Variants in KPNA4 observed in about 807,000 individuals in gnomAD.
KPNA4 encodes the protein importin subunit alpha-3.
Under a neutral mutation model 71.3 loss-of-function variants are expected in KPNA4, and 13 were observed. That is an observed-to-expected ratio of 0.18 (90% CI 0.12 to 0.29). KPNA4 has a LOEUF of 0.29. Ranked by LOEUF, KPNA4 falls within the 10% of genes least tolerant of loss-of-function variation. The pLI, the probability that KPNA4 is intolerant of heterozygous loss-of-function variation, is 1.00. For missense variants in KPNA4, 334 were observed against 603.2 expected (o/e 0.55, Z 4.67); for synonymous variants, 189 against 195.2 (o/e 0.97, Z 0.26).
chr3:160,531,326 C>T (rs1236055611), intron 6 of KPNA4, 136 bp downstream of exon 6: 8 of 487,488 alleles, frequency 1.6e-5, no homozygotes, highest in East Asian at 3.3e-5. Flanking sequence ...CCTTGCACTG[C>T]TTTTCACTTT....
In KPNA4 at chr3:160,502,214, A is replaced by G; in HGVS notation, c.1468-12T>C. 7.1e-7 allele frequency: 1 copy of G among 1,399,398 alleles called. No homozygotes were observed. The highest frequency in any genetic ancestry group is 1.4e-5 in the South Asian group (1 of 73,990). 86.7% of individuals were successfully genotyped at this position (1,399,398 alleles called of 1,614,324 possible). ...GGGTCTTCATCAATCTAGGTGAAAA[A>G]AAAGAAAAAGAATGTGATAATTAGT... On this transcript the variant is annotated splice_polypyrimidine_tract_variant and intron_variant, in intron 16 of 16. Coordinates refer to ENST00000334256, the MANE Select transcript of KPNA4 (RefSeq NM_002268.5).
At chr3:160,506,319 C>T (rs746014681) in intron 15 of KPNA4, among the ~76,000 whole-genome samples, 2 of 152,092 alleles carry the variant, frequency 1.3e-5, no homozygotes, top group Non-Finnish European at 2.9e-5. Context: ...CAGGTGTGCG[C>T]TACCACACCC....
At chr3:160,540,491 A>G (rs1488108108) in intron 1 of KPNA4, among the ~76,000 whole-genome samples, 3 of 152,196 alleles carry the variant, frequency 2.0e-5, no homozygotes. Flanking sequence ...TTATAGAGCA[A>G]GGGTTTTCTT....
At chr3:160,539,929 A>T (rs1234860335) in intron 1 of KPNA4, among the ~76,000 whole-genome samples, 1 of 151,152 alleles carries the variant, frequency 6.6e-6, no homozygotes, top group Non-Finnish European at 1.5e-5. Context: ...ACTCCAAAAA[A>T]TTTTCTCCCA....
intron 10 of KPNA4, 82 bp from the exon 11 acceptor site, chr3:160,521,992 T>A: frequency 8.4e-7 from 1 of 1,190,950 alleles, no homozygotes; most frequent in Non-Finnish European, 1.2e-6. Flanking sequence ...CATTCTAAAA[T>A]TGTTCAACTA....
In KPNA4 at chr3:160,525,856, A is replaced by T; in HGVS notation, c.727-12T>A. 1 of 1,552,774 alleles carries T rather than the reference A, an allele frequency of 6.4e-7. No homozygotes were observed. Among genetic ancestry groups the T allele is most frequent in the Non-Finnish European group, 8.7e-7 (1 of 1,151,628 alleles). ...AGGGCTGGAAGAATCTGAGGAGAGA[A>T]ATATGTAGATTTAAAAACATACACA... On this transcript the variant is annotated splice_polypyrimidine_tract_variant and intron_variant, in intron 9 of 16. Transcript: ENST00000334256.
At chr3:160,533,934 G>A (rs909529896) in intron 5 of KPNA4, among the ~76,000 whole-genome samples, 21 of 152,290 alleles carry the variant, frequency 1.4e-4, no homozygotes, top group African/African-American at 5.1e-4. Flanking sequence ...TGACAATGGT[G>A]AGCATAATCG....
rs1560041976 is a variant in KPNA4 at position 160,499,841 on chromosome 3, T to C, written c.*2263A>G. 1 of 152,184 alleles carries C rather than the reference T, an allele frequency of 6.6e-6. No individual in the cohort carries two copies. The highest frequency in any genetic ancestry group is 1.5e-5 in the Non-Finnish European group (1 of 68,004). 9.4% of individuals were successfully genotyped at this position (152,184 alleles called of 1,614,324 possible). ...CTGAAACCTTCTGTACTATGCTTTGTATACAATCCATCATTTGGAGCTATA... is the reference window on the plus strand; with the variant it reads ...CTGAAACCTTCTGTACTATGCTTTGCATACAATCCATCATTTGGAGCTATA... On this transcript the variant is annotated 3_prime_UTR_variant, in exon 17 of 17. Coordinates refer to ENST00000334256, the MANE Select transcript of KPNA4 (RefSeq NM_002268.5).
At chr3:160,504,772 T>C (rs536460209) in intron 16 of KPNA4, among the ~76,000 whole-genome samples, 186 bp downstream of exon 16, 1 of 152,318 alleles carries the variant, frequency 6.6e-6, no homozygotes, top group South Asian at 2.1e-4. Flanking sequence ...AGAGCTAATA[T>C]GCCCTGAAGG....
intron 15 of KPNA4, among the ~76,000 whole-genome samples, chr3:160,506,935 G>A (rs1720995099): frequency 6.6e-6 from 1 of 152,096 alleles, no homozygotes; most frequent in Admixed American, 6.5e-5. Flanking sequence ...TTTAGTTGAA[G>A]TTATGGGTTC....
rs753863121 is a variant in KPNA4, at chr3:160,528,048, A to G, written c.470-9T>C. 13 of 1,604,262 alleles carry G rather than the reference A, an allele frequency of 8.1e-6. No individual in the cohort carries two copies. In the Admixed American group the frequency reaches 2.0e-4, roughly 25 times the overall value. On this transcript the variant is annotated splice_polypyrimidine_tract_variant and intron_variant, in intron 7 of 16. Coordinates refer to ENST00000334256, the MANE Select transcript of KPNA4 (RefSeq NM_002268.5). Reference sequence around the variant, plus strand: ...GAAAAGTGGCACAGCATCTGATGGAAGAAAAAATAACAATACTTAAGGTTG... The same window carrying G: ...GAAAAGTGGCACAGCATCTGATGGAGGAAAAAATAACAATACTTAAGGTTG...
intron 1 of KPNA4, among the ~76,000 whole-genome samples, chr3:160,562,271 G>T (rs1264165607): frequency 6.6e-6 from 1 of 152,052 alleles, no homozygotes; most frequent in African/African-American, 2.4e-5. Context: ...AATATGAAAC[G>T]TCTCAATTAT....
chr3:160,547,186 G>C (rs778614209), intron 1 of KPNA4, among the ~76,000 whole-genome samples: 12 of 152,146 alleles, frequency 7.9e-5, no homozygotes, highest in Non-Finnish European at 1.8e-4. Context: ...ATGTTATCTT[G>C]TCATATTTGC....
intron 1 of KPNA4, chr3:160,564,068 G>A (rs1722293858): frequency 6.6e-6 from 1 of 152,130 alleles, no homozygotes; most frequent in Non-Finnish European, 1.5e-5. Flanking sequence ...AAAAAATACT[G>A]CTTGACCACT....
intron 1 of KPNA4, among the ~76,000 whole-genome samples, chr3:160,546,683 G>A (rs915933070): frequency 6.6e-6 from 1 of 152,064 alleles, no homozygotes; most frequent in African/African-American, 2.4e-5. Flanking sequence ...ACCTTTGTTT[G>A]GATAAACAAA....
Position 160,500,385 on chromosome 3 carries a change from T to C in KPNA4, c.*1719A>G, listed in dbSNP as rs1720853052. On this transcript the variant is annotated 3_prime_UTR_variant, in exon 17 of 17. Coordinates refer to ENST00000334256, the MANE Select transcript of KPNA4 (RefSeq NM_002268.5). ...TCTACAGTGTTTCAGAATTACCAGT[T>C]GATTTTTAAACACAAAGTAGATATA... 1 of 152,638 alleles carries C rather than the reference T, an allele frequency of 6.6e-6. No individual in the cohort carries two copies. The highest frequency in any genetic ancestry group is 1.5e-5 in the Non-Finnish European group (1 of 68,020). The allele number at this position is 152,638 out of a possible 1,614,324, so 9.5% of individuals were successfully genotyped here. A position where few individuals can be genotyped will look rare whatever the true frequency, so the allele number is the denominator to read the frequency against.
At position 160,499,380 on chromosome 3, in the gene KPNA4, G is replaced by C. The variant is rs1000340991; in HGVS notation, c.*2724C>G. ...AAAAAGACAGTTTAAGACATGAAACGTTAAGAACGTTTAGCTTATTAGGCA... is the reference window on the plus strand; with the variant it reads ...AAAAAGACAGTTTAAGACATGAAACCTTAAGAACGTTTAGCTTATTAGGCA... On this transcript the variant is annotated 3_prime_UTR_variant, in exon 17 of 17. Coordinates refer to ENST00000334256, the MANE Select transcript of KPNA4 (RefSeq NM_002268.5). 6.6e-6 allele frequency: 1 copy of C among 151,762 alleles called. No homozygotes were observed. The highest frequency in any genetic ancestry group is 2.4e-5 in the African/African-American group (1 of 41,258). The allele number at this position is 151,762 out of a possible 1,614,324, so 9.4% of individuals were successfully genotyped here. A position where few individuals can be genotyped will look rare whatever the true frequency, so the allele number is the denominator to read the frequency against.
chr3:160,524,152 T>C (rs1721415945), intron 10 of KPNA4, among the ~76,000 whole-genome samples: 2 of 152,158 alleles, frequency 1.3e-5, no homozygotes, highest in Admixed American at 6.5e-5. Flanking sequence ...AAGAACAATG[T>C]AAACAGGCTT....
chr3:160,515,659 G>C, intron 11 of KPNA4, 79 bp from the exon 12 acceptor site: 1 of 1,512,670 alleles, frequency 6.6e-7, no homozygotes, highest in Non-Finnish European at 9.0e-7. Flanking sequence ...CTGTCGCCCA[G>C]GGTAGAGTGC....
Sources: gnomAD v4.1 joint callset for allele counts (sites outside exome capture counted in the v4.1 genomes callset) on GRCh38, gnomAD v4.1.1 for gene constraint, MANE v1.5 for transcripts, NCBI Gene and HGNC (gene_info 2026-07-23, HGNC 2026-07-21) for gene names.